Variants in SEL1L3 observed in about 807,000 individuals in gnomAD.
The protein encoded by SEL1L3 is SEL1L family member 3.
Under a neutral mutation model 142.8 loss-of-function variants are expected in SEL1L3, and 76 were observed. The ratio of observed to expected loss-of-function variants is 0.53; its 90% confidence interval spans 0.44 to 0.64. The LOEUF (loss-of-function observed/expected upper bound fraction) is 0.64. Among genes scored for constraint, SEL1L3 ranks in the 30% least tolerant of loss-of-function variants. The pLI, the probability that SEL1L3 is intolerant of heterozygous loss-of-function variation, is 0.00. For missense variants in SEL1L3, 1,262 were observed against 1,381.7 expected, an observed-to-expected ratio of 0.91 and a Z score of 1.37; for synonymous variants, 504 against 519.6, an observed-to-expected ratio of 0.97 and a Z score of 0.41.
At chr4:25,816,796 C>T (rs898228136) in intron 9 of SEL1L3, among the ~76,000 whole-genome samples, 11 of 152,268 alleles carry the variant, frequency 7.2e-5, no homozygotes, top group South Asian at 2.1e-4. Context: ...CACCATCATG[C>T]GACATGCTGT....
rs549146441 is a variant in SEL1L3 at position 25,747,726 on chromosome 4, C to G, written c.*699G>C. On this transcript the variant is annotated 3_prime_UTR_variant, in exon 24 of 24. Coordinates refer to ENST00000399878, the MANE Select transcript of SEL1L3 (RefSeq NM_015187.5). ...AACGTGTAATTCATGGAGAAGACTACAGTTAAGTACTAAGAATCTTCTAAA... is the reference window on the plus strand; with the variant it reads ...AACGTGTAATTCATGGAGAAGACTAGAGTTAAGTACTAAGAATCTTCTAAA... 1 of 152,550 alleles carries G rather than the reference C, an allele frequency of 6.6e-6. No homozygotes were observed. The highest frequency in any genetic ancestry group is 1.5e-5 in the Non-Finnish European group (1 of 68,070). The allele number at this position is 152,550 out of a possible 1,614,324, so 9.4% of individuals were successfully genotyped here. A position where few individuals can be genotyped will look rare whatever the true frequency, so the allele number is the denominator to read the frequency against.
intron 11 of SEL1L3, among the ~76,000 whole-genome samples, chr4:25,800,139 G>A (rs1263276265): frequency 6.6e-6 from 1 of 152,220 alleles, no homozygotes; most frequent in Non-Finnish European, 1.5e-5. Flanking sequence ...AAGAGAGAAT[G>A]AAACAAGAAT....
At position 25,777,292 on chromosome 4, in the gene SEL1L3, C is replaced by T. The variant is rs188852120; in HGVS notation, c.2586-932G>A. Among the ~76,000 whole-genome samples the T allele has an allele frequency of 9.2e-5, 14 of 152,142 alleles. No homozygotes were observed. The East Asian group carries it at 2.5e-3, about 27-fold the overall frequency. ...AAAGGGATCAACTACAAAGACAAAA[C>T]AATTCTAAATCTATGTGATCTAATA... On this transcript the variant is annotated intron_variant, in intron 16 of 23. Transcript: ENST00000399878.
intron 1 of SEL1L3, 140 bp from the exon 2 acceptor site, chr4:25,848,004 G>T: frequency 1.6e-6 from 1 of 624,424 alleles, no homozygotes; most frequent in Non-Finnish European, 2.7e-6. Flanking sequence ...GATAAAAGAT[G>T]TCAAAACCAC....
chr4:25,826,874 G>T (rs1715130233), intron 6 of SEL1L3, among the ~76,000 whole-genome samples: 1 of 152,120 alleles, frequency 6.6e-6, no homozygotes, highest in African/African-American at 2.4e-5. Flanking sequence ...ATGTTGCCCA[G>T]CCTGGTCTCA....
intron 1 of SEL1L3, among the ~76,000 whole-genome samples, chr4:25,853,491 A>G (rs564289428): frequency 2.0e-5 from 3 of 152,080 alleles, no homozygotes; most frequent in Non-Finnish European, 4.4e-5. Flanking sequence ...GTCTGATTTG[A>G]GATGTCCTGT....
At chr4:25,739,312 A>G in the SEL1L3 span, among the ~76,000 whole-genome samples, 5 of 152,234 alleles carry the variant, frequency 3.3e-5, no homozygotes, top group African/African-American at 2.4e-5. Context: ...GAGAGAGGCC[A>G]TAGAGATGTT....
intron 11 of SEL1L3, among the ~76,000 whole-genome samples, chr4:25,799,379 A>G (rs2109213789): frequency 6.6e-6 from 1 of 152,108 alleles, no homozygotes; most frequent in Non-Finnish European, 1.5e-5. Context: ...CTGGCCTCTA[A>G]TCTCTTTTTA....
intron 23 of SEL1L3, among the ~76,000 whole-genome samples, chr4:25,750,473 G>A (rs767458261): frequency 6.6e-6 from 1 of 152,184 alleles, no homozygotes; most frequent in Non-Finnish European, 1.5e-5. Context: ...GGATTCACAT[G>A]TGAAATGAGA....
downstream of SEL1L3, among the ~76,000 whole-genome samples, chr4:25,744,738 A>C (rs1717211201): frequency 6.6e-6 from 1 of 152,178 alleles, no homozygotes; most frequent in South Asian, 2.1e-4. Context: ...ACCCCAACAA[A>C]TGTGTGTGGG....
intron 11 of SEL1L3, among the ~76,000 whole-genome samples, chr4:25,799,883 A>T (rs1490146187): frequency 6.6e-6 from 1 of 151,846 alleles, no homozygotes; most frequent in Non-Finnish European, 1.5e-5. Context: ...TGTAGATGAG[A>T]TCTCTGTCCA....
Position 25,833,441 on chromosome 4 carries a change from T to C in SEL1L3, c.982+7A>G, listed in dbSNP as rs764266199. 1 of 1,609,988 alleles carries C rather than the reference T, an allele frequency of 6.2e-7. No homozygotes were observed. Reference sequence around the variant, plus strand: ...ATATCATTTTAAAGGTTCTGTTTTATACTCACCCTCTTCCGTAAGAAATAC... The same window carrying C: ...ATATCATTTTAAAGGTTCTGTTTTACACTCACCCTCTTCCGTAAGAAATAC... On this transcript the variant is annotated splice_region_variant and intron_variant, in intron 4 of 23. Transcript: ENST00000399878.
At chr4:25,832,110 A>G (rs982730391) in intron 5 of SEL1L3, among the ~76,000 whole-genome samples, 6 of 152,206 alleles carry the variant, frequency 3.9e-5, no homozygotes, top group African/African-American at 1.4e-4. Flanking sequence ...AAACAAACAC[A>G]CATACTAAGA....
chr4:25,716,573 T>C, the SEL1L3 span, among the ~76,000 whole-genome samples: 1 of 152,192 alleles, frequency 6.6e-6, no homozygotes, highest in African/African-American at 2.4e-5. Flanking sequence ...ATATTATTTG[T>C]ATTAACAAAA....
chr4:25,726,839 C>T, the SEL1L3 span, among the ~76,000 whole-genome samples: 5 of 152,240 alleles, frequency 3.3e-5, 1 homozygote, highest in East Asian at 9.7e-4. Context: ...AACAAAATAC[C>T]ACAGACTGGG....
the SEL1L3 span, among the ~76,000 whole-genome samples, chr4:25,716,598 GAATA>G: frequency 3.9e-5 from 6 of 151,984 alleles, no homozygotes; most frequent in Admixed American, 3.3e-4. Context: ...ACAAGAAAAT[GAATA>G]AATAATGTTA....
At chr4:25,726,245 T>A in the SEL1L3 span, among the ~76,000 whole-genome samples, 3 of 145,896 alleles carry the variant, frequency 2.1e-5, no homozygotes, top group South Asian at 2.2e-4. Flanking sequence ...AAAAAAAAAA[T>A]TTGGCCTGGC....
chr4:25,777,340 G>A (rs960030451), intron 16 of SEL1L3, among the ~76,000 whole-genome samples: 2 of 152,206 alleles, frequency 1.3e-5, no homozygotes, highest in South Asian at 2.1e-4. Context: ...GATATATAAT[G>A]CAAAATTGAC....
the SEL1L3 span, chr4:25,718,182 CT>C: frequency 6.6e-6 from 1 of 152,090 alleles, no homozygotes; most frequent in African/African-American, 2.4e-5. Context: ...AGGTTTAATA[CT>C]GTTAATATAA....
Sources: allele counts gnomAD v4.1 joint callset (sites outside exome capture counted in the v4.1 genomes callset), GRCh38; gene constraint gnomAD v4.1.1; transcripts MANE v1.5; gene names NCBI Gene and HGNC (gene_info 2026-07-23, HGNC 2026-07-21).